The following HIVEP3 variants were observed in gnomAD, a reference collection of about 807,000 sequenced individuals.
The protein encoded by HIVEP3 is HIVEP zinc finger 3.
A neutral mutation model predicts 152.8 loss-of-function variants in HIVEP3; 49 were observed. The ratio of observed to expected loss-of-function variants is 0.32; its 90% CI spans 0.26 to 0.41. The LOEUF is 0.41. Ranked by LOEUF, HIVEP3 falls within the 10% of genes least tolerant of loss-of-function variation. HIVEP3 has a pLI of 1.00. For missense variants in HIVEP3, 2,790 were observed against 3,103.3 expected (o/e 0.90, Z 2.40); for synonymous variants, 1,269 against 1,289.0 (o/e 0.98, Z 0.33).
At chr1:41,525,652 C>T (rs1446522260) in intron 5 of HIVEP3, among the ~76,000 whole-genome samples, 1 of 152,222 alleles carries the variant, frequency 6.6e-6, no homozygotes, top group Non-Finnish European at 1.5e-5. Context: ...GGGTCCCAGC[C>T]ACCTGCCACA....
At chr1:41,716,120 G>C (rs746335095) in intron 1 of HIVEP3, among the ~76,000 whole-genome samples, 2 of 152,244 alleles carry the variant, frequency 1.3e-5, no homozygotes, top group Non-Finnish European at 2.9e-5. Flanking sequence ...CACAGGGAGG[G>C]CTTGCTGAGG....
At chr1:41,898,102 T>A (rs1221176592) in intron 1 of HIVEP3, among the ~76,000 whole-genome samples, 1 of 151,958 alleles carries the variant, frequency 6.6e-6, no homozygotes, top group Non-Finnish European at 1.5e-5. Flanking sequence ...AATAAAGGAG[T>A]TGTTTAACCT....
intron 2 of HIVEP3, among the ~76,000 whole-genome samples, chr1:41,668,393 T>C (rs904260015): frequency 3.9e-5 from 6 of 152,250 alleles, no homozygotes; most frequent in African/African-American, 1.4e-4. Context: ...AGCAAAGGAC[T>C]GTGGAAGTGG....
At chr1:42,033,081 T>C (rs1415333874) in intron 1 of HIVEP3, among the ~76,000 whole-genome samples, 1 of 152,118 alleles carries the variant, frequency 6.6e-6, no homozygotes. Flanking sequence ...ATTTATCCAC[T>C]GGATACATGG....
chr1:41,529,777 TCCCCACACACTCATACATACACATAA>T (rs1342294195), intron 5 of HIVEP3, among the ~76,000 whole-genome samples: 9 of 132,384 alleles, frequency 6.8e-5, no homozygotes, highest in African/African-American at 2.6e-4. Context: ...CACTTCCACA[TCCCCACACACTCATACATACACATAA>T]CCCCACAATC....
chr1:41,768,990 C>G (rs995374876), intron 1 of HIVEP3, among the ~76,000 whole-genome samples: 2 of 152,210 alleles, frequency 1.3e-5, no homozygotes, highest in Non-Finnish European at 2.9e-5. Flanking sequence ...TATTATGAAG[C>G]CTGCCAATCT....
rs61732495 is a variant in HIVEP3 at position 41,581,111 on chromosome 1, C to T, written c.3687G>A (p.Pro1229=). ...ACCCAGAAGACAGTGCTGAGGAGGTCGGGTATGGCATGGGGAGGAAGGAAG... is the reference window on the plus strand; with the variant it reads ...ACCCAGAAGACAGTGCTGAGGAGGTTGGGTATGGCATGGGGAGGAAGGAAG... ...QPPSFLPMPY[P]TSSALSSGFF... is the part of the protein sequence containing the mutation. The change falls in exon 4 of 9, where the codon CCG becomes CCA. Residue 1229 remains proline (P), a synonymous_variant. Transcript: ENST00000372583. The surrounding 1 kb of genome is among the most constrained non-coding windows in gnomAD (Gnocchi z 4.5). 24 of 1,555,142 alleles carry T rather than the reference C, an allele frequency of 1.5e-5. No individual in the cohort carries two copies. The East Asian group carries it at 1.8e-4, about 12-fold the overall frequency.
intron 1 of HIVEP3, among the ~76,000 whole-genome samples, chr1:41,893,122 CAA>C (rs59214004): frequency 5.5e-4 from 42 of 76,810 alleles, no homozygotes; most frequent in East Asian, 7.8e-4. Context: ...GATCTCGTCT[CAA>C]AAAAAAAAAA....
chr1:41,747,692 T>C (rs1417108369), intron 1 of HIVEP3, among the ~76,000 whole-genome samples: 3 of 152,256 alleles, frequency 2.0e-5, no homozygotes, highest in Non-Finnish European at 2.9e-5. Flanking sequence ...TTTCAAGTCA[T>C]TGAATATACA....
At chr1:42,030,873 A>G (rs1488813849) in intron 1 of HIVEP3, among the ~76,000 whole-genome samples, 3 of 152,220 alleles carry the variant, frequency 2.0e-5, no homozygotes, top group Non-Finnish European at 4.4e-5. Flanking sequence ...TATTTTCTCC[A>G]TTTTTGTACA....
intron 1 of HIVEP3, among the ~76,000 whole-genome samples, chr1:41,900,457 G>A (rs1644602067): frequency 6.6e-6 from 1 of 152,186 alleles, no homozygotes; most frequent in Admixed American, 6.5e-5. Flanking sequence ...AATTTTTGGT[G>A]CAAGGTGAGA....
intron 5 of HIVEP3, among the ~76,000 whole-genome samples, chr1:41,527,382 T>TCC (rs1643017274): frequency 2.2e-5 from 1 of 44,634 alleles, no homozygotes; most frequent in Admixed American, 2.2e-4. Context: ...GCACTCACAC[T>TCC]CGCACTCACA....
At chr1:41,956,120 G>A (rs11210553) in intron 1 of HIVEP3, among the ~76,000 whole-genome samples, 2,336 of 152,252 alleles carry the variant, frequency 0.015, 59 homozygotes, top group African/African-American at 0.054. Flanking sequence ...ACTACTTCTT[G>A]GTTTGGACGT....
chr1:41,825,646 C>G (rs1642781066), intron 1 of HIVEP3, among the ~76,000 whole-genome samples: 2 of 152,080 alleles, frequency 1.3e-5, no homozygotes, highest in South Asian at 4.1e-4. Flanking sequence ...CACTCTGTCA[C>G]CCAGGTTGGA....
At chr1:41,741,912 A>G (rs141134337) in intron 1 of HIVEP3, among the ~76,000 whole-genome samples, 2,223 of 152,350 alleles carry the variant, frequency 0.015, 25 homozygotes, top group Non-Finnish European at 0.018. Flanking sequence ...TTTCCCTTCA[A>G]CTGTCTAAGA....
intron 2 of HIVEP3, among the ~76,000 whole-genome samples, chr1:41,649,122 A>C (rs1320819423): frequency 2.0e-5 from 3 of 152,236 alleles, no homozygotes; most frequent in Admixed American, 6.5e-5. Context: ...CTCTATATTT[A>C]GACTCAAAAG....
intron 1 of HIVEP3, among the ~76,000 whole-genome samples, chr1:41,755,130 G>A (rs959160803): frequency 9.2e-5 from 14 of 152,288 alleles, no homozygotes; most frequent in Admixed American, 8.5e-4. Context: ...AACAAATAGC[G>A]AACCCAGAAA....
chr1:41,729,666 C>T (rs1646810119), intron 1 of HIVEP3, among the ~76,000 whole-genome samples: 1 of 152,142 alleles, frequency 6.6e-6, no homozygotes, highest in Admixed American at 6.5e-5. Context: ...TGACCGAGGC[C>T]ACCAGCTTGT....
intron 2 of HIVEP3, among the ~76,000 whole-genome samples, chr1:41,629,192 C>T (rs1012758873): frequency 2.6e-5 from 4 of 152,088 alleles, no homozygotes; most frequent in African/African-American, 9.7e-5. Context: ...TTTCCGGTTC[C>T]CCTGGTGCAC....
Sources: allele counts gnomAD v4.1 joint callset (sites outside exome capture counted in the v4.1 genomes callset), GRCh38; gene constraint gnomAD v4.1.1; non-coding constraint Gnocchi (gnomAD v3.1); transcripts MANE v1.5; gene names NCBI Gene and HGNC (gene_info 2026-07-23, HGNC 2026-07-21).